CCDC7: variants seen among roughly 807,000 people sequenced by gnomAD.
CCDC7 encodes the protein coiled-coil domain-containing protein 7.
CCDC7 carries 183 observed loss-of-function variants against 196.9 expected under a neutral mutation model. The ratio of observed to expected loss-of-function variants is 0.93; its 90% CI spans 0.82 to 1.05. CCDC7 has a LOEUF of 1.05. Ranked by LOEUF, CCDC7 falls within the 50% of genes least tolerant of loss-of-function variation. CCDC7 has a pLI of 0.00. For missense variants in CCDC7, 1,540 were observed against 1,482.2 expected (o/e 1.04, Z -0.64); for synonymous variants, 525 against 484.6 (o/e 1.08, Z -1.10).
intron 29 of CCDC7, among the ~76,000 whole-genome samples, chr10:32,791,452 A>G (rs2082688790): frequency 6.6e-6 from 1 of 151,728 alleles, no homozygotes; most frequent in African/African-American, 2.4e-5. Context: ...ATATAAGAAA[A>G]TACAAATAGA....
At chr10:32,832,256 C>T (rs1378780794) in intron 32 of CCDC7, among the ~76,000 whole-genome samples, 2 of 152,092 alleles carry the variant, frequency 1.3e-5, no homozygotes, top group Admixed American at 6.6e-5. Context: ...AATCCCAGCA[C>T]TTTGGGAGGC....
chr10:32,656,141 T>A (rs1411963247), intron 20 of CCDC7, among the ~76,000 whole-genome samples: 1 of 152,164 alleles, frequency 6.6e-6, no homozygotes, highest in East Asian at 1.9e-4. Context: ...TTTCCCTACG[T>A]TTTCTTCTAG....
intron 18 of CCDC7, among the ~76,000 whole-genome samples, chr10:32,586,256 T>C (rs1327129798): frequency 1.3e-5 from 2 of 152,244 alleles, no homozygotes; most frequent in African/African-American, 2.4e-5. Flanking sequence ...TTAAGTTTCT[T>C]GTAGGTTCTG....
At chr10:32,827,758 C>T (rs1593196312) in intron 32 of CCDC7, among the ~76,000 whole-genome samples, 1 of 151,906 alleles carries the variant, frequency 6.6e-6, no homozygotes, top group Non-Finnish European at 1.5e-5. Flanking sequence ...CAAACCTGCA[C>T]GTTGTGCACA....
chr10:32,821,556 C>G (rs865978460), intron 31 of CCDC7, among the ~76,000 whole-genome samples: 2 of 152,082 alleles, frequency 1.3e-5, no homozygotes, highest in Non-Finnish European at 1.5e-5. Context: ...AGACTTGGAA[C>G]CAACCCAAAT....
intron 5 of CCDC7, among the ~76,000 whole-genome samples, chr10:32,468,209 T>C (rs1433068877): frequency 3.3e-5 from 5 of 152,258 alleles, no homozygotes; most frequent in Admixed American, 3.3e-4. Context: ...TGATTCTTTC[T>C]ATCCATGCAC....
At chr10:32,665,144 T>C (rs1251483215) in intron 21 of CCDC7, among the ~76,000 whole-genome samples, 2 of 152,032 alleles carry the variant, frequency 1.3e-5, no homozygotes, top group African/African-American at 4.8e-5. Flanking sequence ...CCCATACTCA[T>C]CTTTTATTTG....
chr10:32,641,160 G>T (rs1004729565), intron 20 of CCDC7, among the ~76,000 whole-genome samples: 1 of 152,070 alleles, frequency 6.6e-6, no homozygotes, highest in Non-Finnish European at 1.5e-5. Context: ...GCACATCTTT[G>T]TGGCGTTCTC....
intron 9 of CCDC7, chr10:32,511,296 G>C: frequency 4.0e-6 from 4 of 996,242 alleles, no homozygotes; most frequent in Non-Finnish European, 5.8e-6. Flanking sequence ...TTGAATATGT[G>C]TACACCAAAA....
intron 21 of CCDC7, among the ~76,000 whole-genome samples, chr10:32,668,992 T>C (rs982354316): frequency 2.6e-5 from 4 of 152,170 alleles, no homozygotes; most frequent in African/African-American, 9.6e-5. Flanking sequence ...GAAGAAACGC[T>C]CTCAACTTAC....
intron 5 of CCDC7, among the ~76,000 whole-genome samples, chr10:32,465,441 CTTTT>C (rs34042956): frequency 1.9e-3 from 265 of 140,346 alleles, no homozygotes; most frequent in African/African-American, 3.6e-3. Context: ...ATTAAACAGA[CTTTT>C]TTTTTTTTTT....
chr10:32,881,041 T>G (rs2094773740), downstream of CCDC7, among the ~76,000 whole-genome samples: 2 of 152,296 alleles, frequency 1.3e-5, no homozygotes, highest in South Asian at 4.1e-4. Flanking sequence ...GATGCCACAG[T>G]ACTTTTTTAG....
At chr10:32,786,281 G>A (rs1027940891) in intron 29 of CCDC7, among the ~76,000 whole-genome samples, 2 of 152,110 alleles carry the variant, frequency 1.3e-5, no homozygotes, top group African/African-American at 4.8e-5. Flanking sequence ...CAATACCTGG[G>A]GAAGGGAGAA....
At chr10:32,641,230 A>G (rs2066740647) in intron 20 of CCDC7, among the ~76,000 whole-genome samples, 1 of 152,184 alleles carries the variant, frequency 6.6e-6, no homozygotes, top group South Asian at 2.1e-4. Context: ...TCTCCTGGAT[A>G]ATATCCTGAA....
chr10:32,569,969 TTTA>T (rs955919736), intron 15 of CCDC7, among the ~76,000 whole-genome samples: 1 of 152,192 alleles, frequency 6.6e-6, no homozygotes, highest in African/African-American at 2.4e-5. Flanking sequence ...AGAGTTTCTT[TTTA>T]TTCCATATAC....
At chr10:32,854,346 T>G in intron 40 of CCDC7, 54 bp from the exon 42 acceptor site, 3 of 1,031,756 alleles carry the variant, frequency 2.9e-6, no homozygotes, top group South Asian at 3.0e-5. Flanking sequence ...ATTTTAAAAG[T>G]TGAAATTACT....
At chr10:32,509,954 G>A (rs920285913) in intron 9 of CCDC7, among the ~76,000 whole-genome samples, 5 of 152,158 alleles carry the variant, frequency 3.3e-5, no homozygotes, top group African/African-American at 4.8e-5. Flanking sequence ...AATTGGTAGA[G>A]CCATTATGGA....
intron 18 of CCDC7, among the ~76,000 whole-genome samples, chr10:32,623,326 T>C (rs2063609532): frequency 6.6e-6 from 1 of 152,154 alleles, no homozygotes; most frequent in Admixed American, 6.5e-5. Context: ...TTTATTGCAG[T>C]TGGATTTTAT....
rs529809519 is a variant in CCDC7 at position 32,715,255 on chromosome 10, CAG to C, written c.2569+3526_2569+3527del. ...CCTCCGCTGGTGATACCCAGGCAAA[CAG>C]GGTATGGAGTGGACCTCCAGCAAAT... On this transcript the variant is annotated intron_variant, in intron 25 of 41. Coordinates refer to ENST00000639629, the Ensembl canonical transcript of CCDC7. Among the ~76,000 whole-genome samples, 375 of 152,312 alleles carry C rather than the reference CAG, an allele frequency of 2.5e-3. 2 individuals are homozygous for C. The highest frequency in any genetic ancestry group is 8.6e-3 in the African/African-American group (356 of 41,560).
Sources: allele counts gnomAD v4.1 joint callset (sites outside exome capture counted in the v4.1 genomes callset), GRCh38; gene constraint gnomAD v4.1.1; transcripts MANE v1.5; gene names NCBI Gene and HGNC (gene_info 2026-07-23, HGNC 2026-07-21).